The following NSMCE2 variants were observed in gnomAD, a reference collection of about 807,000 sequenced individuals.
NSMCE2 encodes the protein E3 SUMO-protein ligase NSE2.
In NSMCE2, 24 loss-of-function variants were observed where a neutral mutation model predicts 23.8. The observed-to-expected ratio is 1.01, with a 90% confidence interval of 0.73 to 1.42. NSMCE2 has a LOEUF of 1.42. Among genes scored for constraint, NSMCE2 ranks in the 40% most tolerant of loss-of-function variants. The pLI, the probability that NSMCE2 is intolerant of heterozygous loss-of-function variation, is 0.00. For synonymous variants in NSMCE2, 92 were observed against 94.1 expected, an observed-to-expected ratio of 0.98 and a Z score of 0.13; for missense variants, 284 against 296.5, an observed-to-expected ratio of 0.96 and a Z score of 0.31.
intron 5 of NSMCE2, among the ~76,000 whole-genome samples, chr8:125,321,051 G>A (rs1002723738): frequency 3.5e-4 from 53 of 152,196 alleles, no homozygotes; most frequent in Admixed American, 3.2e-3. Flanking sequence ...AGCACCAGGG[G>A]GACGGTGCTA....
At chr8:125,267,679 G>T (rs980750639) in intron 5 of NSMCE2, among the ~76,000 whole-genome samples, 1 of 152,152 alleles carries the variant, frequency 6.6e-6, no homozygotes, top group Non-Finnish European at 1.5e-5. Context: ...GAGAGCCTGC[G>T]GTTGGGAGGA....
Position 125,207,725 on chromosome 8 carries a change from AG to A in NSMCE2, c.418+25471del, listed in dbSNP as rs527711824. On this transcript the variant is annotated intron_variant, in intron 5 of 7. Coordinates refer to ENST00000287437, the MANE Select transcript of NSMCE2 (RefSeq NM_173685.4). ...TAGCTGGGTGAGTCTTCTGCCGGTT[AG>A]GAGGGGCTTCCTCACACTGCCAGAT... Among the ~76,000 whole-genome samples, 15 of 152,302 alleles carry A rather than the reference AG, an allele frequency of 9.8e-5. 1 individual carries two copies. In the South Asian group the frequency reaches 2.1e-3, roughly 21 times the overall value.
rs145892764 is a variant in NSMCE2 at position 125,233,606 on chromosome 8, G to T, written c.418+51350G>T. ...CTTGAATTTTTTTCCGAAATGAAAT[G>T]AATGTAAATGCACTTTTGTTTTAAA... On this transcript the variant is annotated intron_variant, in intron 5 of 7. Transcript: ENST00000287437. Among the ~76,000 whole-genome samples, 229 of 152,224 alleles carry T rather than the reference G, an allele frequency of 1.5e-3. 1 individual carries two copies. Among genetic ancestry groups the T allele is most frequent in the African/African-American group, 5.1e-3 (212 of 41,542 alleles).
At chr8:125,345,954 G>A (rs1421781538) in intron 5 of NSMCE2, among the ~76,000 whole-genome samples, 2 of 152,134 alleles carry the variant, frequency 1.3e-5, no homozygotes, top group South Asian at 2.1e-4. Context: ...GCAGGAATTC[G>A]AGACCAGCCT....
chr8:125,313,207 AAAGAAAGAAAAGAAAGAAAAAG>A (rs1291686579), intron 5 of NSMCE2, among the ~76,000 whole-genome samples: 1 of 151,108 alleles, frequency 6.6e-6, no homozygotes, highest in Non-Finnish European at 1.5e-5. Flanking sequence ...AGAGAGAAAG[AAAGAAAGAAAAGAAAGAAAAAG>A]AAGAAAGAAA....
At chr8:125,181,350 G>A (rs1280287346) in intron 4 of NSMCE2, among the ~76,000 whole-genome samples, 2 of 152,136 alleles carry the variant, frequency 1.3e-5, no homozygotes, top group African/African-American at 4.8e-5. Context: ...TTGTGAAGGA[G>A]ATGAAGATGT....
chr8:125,300,459 G>A (rs1184242517), intron 5 of NSMCE2, among the ~76,000 whole-genome samples: 1 of 152,112 alleles, frequency 6.6e-6, no homozygotes. Flanking sequence ...CATCACACCT[G>A]GCCCTGGCTA....
intron 3 of NSMCE2, among the ~76,000 whole-genome samples, chr8:125,145,841 G>A (rs776166932): frequency 4.6e-5 from 7 of 151,966 alleles, no homozygotes; most frequent in African/African-American, 1.5e-4. Flanking sequence ...TGTTGCTGCC[G>A]GTGCTCTTGG....
chr8:125,185,973 C>G (rs1265818883), intron 5 of NSMCE2, among the ~76,000 whole-genome samples: 4 of 152,186 alleles, frequency 2.6e-5, no homozygotes, highest in African/African-American at 4.8e-5. Context: ...CTGAAAAGAT[C>G]TTGCAGACCA....
chr8:125,143,216 T>G (rs1820478806), intron 3 of NSMCE2, among the ~76,000 whole-genome samples: 1 of 152,132 alleles, frequency 6.6e-6, no homozygotes, highest in Non-Finnish European at 1.5e-5. Flanking sequence ...TGTTGCATTT[T>G]GGTGGGTGGG....
chr8:125,356,947 G>C (rs1284048022), intron 5 of NSMCE2, among the ~76,000 whole-genome samples: 5 of 152,192 alleles, frequency 3.3e-5, no homozygotes, highest in African/African-American at 1.2e-4. Flanking sequence ...TCGGTTCTCT[G>C]ACTCTGAAGC....
chr8:125,221,451 C>G (rs1379301706), intron 5 of NSMCE2, among the ~76,000 whole-genome samples: 1 of 152,156 alleles, frequency 6.6e-6, no homozygotes, highest in African/African-American at 2.4e-5. Context: ...GCCATGTTGC[C>G]CAGGCTGGTC....
intron 5 of NSMCE2, among the ~76,000 whole-genome samples, chr8:125,296,392 ATTTTTT>A (rs11410793): frequency 1.6e-5 from 2 of 125,746 alleles, no homozygotes; most frequent in Non-Finnish European, 3.2e-5. Context: ...TGCCATGGTC[ATTTTTT>A]TTTTTTTTTT....
In NSMCE2 at chr8:125,229,323, A is replaced by G. The variant is rs190680830; in HGVS notation, c.418+47067A>G. ...GCAACCTATGTTACATTAGATTCGTAGTCTCAACTTTTTTTTAAATCACAC... is the reference window on the plus strand; with the variant it reads ...GCAACCTATGTTACATTAGATTCGTGGTCTCAACTTTTTTTTAAATCACAC... On this transcript the variant is annotated intron_variant, in intron 5 of 7. Coordinates refer to ENST00000287437, the MANE Select transcript of NSMCE2 (RefSeq NM_173685.4). 1.9e-3 allele frequency among the ~76,000 whole-genome samples: 293 copies of G among 152,336 alleles called. 4 individuals carry two copies. Among genetic ancestry groups the G allele is most frequent in the South Asian group, 3.9e-3 (19 of 4,826 alleles).
intron 5 of NSMCE2, among the ~76,000 whole-genome samples, chr8:125,210,521 A>G (rs990904428): frequency 1.3e-5 from 2 of 152,192 alleles, no homozygotes; most frequent in African/African-American, 4.8e-5. Context: ...AGAAATACAT[A>G]CTATAGAAGA....
At chr8:125,320,868 G>A (rs1056842445) in intron 5 of NSMCE2, among the ~76,000 whole-genome samples, 3 of 152,186 alleles carry the variant, frequency 2.0e-5, no homozygotes, top group African/African-American at 7.2e-5. Context: ...AGTTCAGTGG[G>A]CTGTACAGGA....
chr8:125,213,673 CTT>C (rs1824452138), intron 5 of NSMCE2, among the ~76,000 whole-genome samples: 1 of 149,702 alleles, frequency 6.7e-6, no homozygotes, highest in Non-Finnish European at 1.5e-5. Flanking sequence ...CTCTTTCTCT[CTT>C]TCTCTCTCTC....
chr8:125,184,452 A>G (rs1016686366), intron 5 of NSMCE2, among the ~76,000 whole-genome samples: 2 of 152,148 alleles, frequency 1.3e-5, no homozygotes, highest in African/African-American at 4.8e-5. Context: ...GTATATTTAT[A>G]TTGAAAGAAA....
chr8:125,264,487 G>A (rs10090347), intron 5 of NSMCE2, among the ~76,000 whole-genome samples: 142,159 of 152,236 alleles, frequency 0.93, 66,482 homozygotes, highest in East Asian at 1. Flanking sequence ...GCTTACTGCA[G>A]TCTCTGCCTC....
Sources: gnomAD v4.1 joint callset for allele counts (sites outside exome capture counted in the v4.1 genomes callset) on GRCh38, gnomAD v4.1.1 for gene constraint, MANE v1.5 for transcripts, NCBI Gene and HGNC (gene_info 2026-07-23, HGNC 2026-07-21) for gene names.